The following MECOM variants were observed in gnomAD, a reference collection of about 807,000 sequenced individuals.
The protein encoded by MECOM is MDS1 and EVI1 complex locus.
Under a neutral mutation model 116.3 loss-of-function variants are expected in MECOM, and 13 were observed. The ratio of observed to expected loss-of-function variants is 0.11; its 90% CI spans 0.07 to 0.18. The LOEUF (loss-of-function observed/expected upper bound fraction) is 0.18, where lower values mean the gene tolerates loss of function less well. Among genes scored for constraint, MECOM ranks in the 10% least tolerant of loss-of-function variants. The probability of loss-of-function intolerance (pLI) is 1.00; values close to 1 mark genes in which losing one functional copy is unlikely to be tolerated. For synonymous variants in MECOM, 528 were observed against 535.2 expected (o/e 0.99, Z 0.19); for missense variants, 1,299 against 1,509.0 (o/e 0.86, Z 2.31).
chr3:169,619,268 G>T (rs56228561), intron 1 of MECOM, among the ~76,000 whole-genome samples: 9,487 of 152,262 alleles, frequency 0.062, 379 homozygotes, highest in Non-Finnish European at 0.072. Context: ...GTGCTGAGAA[G>T]GCCGAGGAGA....
intron 9 of MECOM, among the ~76,000 whole-genome samples, 197 bp from the exon 10 acceptor site, chr3:169,108,149 T>C (rs1354210328): frequency 1.3e-5 from 2 of 152,192 alleles, no homozygotes; most frequent in African/African-American, 4.8e-5. Context: ...TTTACCTAAA[T>C]GGAATGTTTG....
intron 2 of MECOM, among the ~76,000 whole-genome samples, chr3:169,191,169 C>T (rs1277160452): frequency 1.3e-5 from 2 of 151,954 alleles, no homozygotes; most frequent in Non-Finnish European, 2.9e-5. Context: ...CCCCTCTCTC[C>T]ACTTGTCCCC....
rs1762015661 is a variant in MECOM at position 169,556,249 on chromosome 3, CT to C, written c.37+107086del. 5.3e-5 allele frequency among the ~76,000 whole-genome samples: 8 copies of C among 151,826 alleles called. No individual in the cohort carries two copies. In the South Asian group the frequency reaches 1.7e-3, roughly 32 times the overall value. ...ACAGAACTGAAGCCAGCACCTTAAT[CT>C]CATGTAATTCCACTGAATGACTTTA... On this transcript the variant is annotated intron_variant, in intron 1 of 16. Transcript: ENST00000651503.
intron 1 of MECOM, among the ~76,000 whole-genome samples, chr3:169,480,236 A>G (rs7652987): frequency 0.45 from 69,152 of 152,046 alleles, 16,093 homozygotes; most frequent in South Asian, 0.56. Context: ...TTTATCACAT[A>G]TACTGTCCCA....
chr3:169,257,423 A>G (rs1026349792), intron 2 of MECOM, among the ~76,000 whole-genome samples: 1 of 152,220 alleles, frequency 6.6e-6, no homozygotes, highest in African/African-American at 2.4e-5. Flanking sequence ...TTCTGGCATT[A>G]AAACTTAAAT....
At chr3:169,589,329 G>A (rs1766130356) in intron 1 of MECOM, among the ~76,000 whole-genome samples, 1 of 151,928 alleles carries the variant, frequency 6.6e-6, no homozygotes, top group Non-Finnish European at 1.5e-5. Flanking sequence ...AAGGGTGAAT[G>A]ACACCACTAT....
At position 169,510,186 on chromosome 3, in the gene MECOM, A is replaced by G. The variant is rs553227341; in HGVS notation, c.38-128662T>C. 3.9e-5 allele frequency among the ~76,000 whole-genome samples: 6 copies of G among 152,292 alleles called. No homozygotes were observed. The East Asian group carries it at 1.2e-3, about 29-fold the overall frequency. On this transcript the variant is annotated intron_variant, in intron 1 of 16. Transcript: ENST00000651503. The stretch of plus-strand genomic sequence containing the variant: ...AGATCAGGAGGGCTGGGATCACTGT[A>G]ATCGATTCTCATCACTGTAAACTCC...
chr3:169,650,907 A>G (rs1774818682), intron 1 of MECOM, among the ~76,000 whole-genome samples: 1 of 152,150 alleles, frequency 6.6e-6, no homozygotes, highest in East Asian at 1.9e-4. Flanking sequence ...ACAATAGAGG[A>G]TCTTCTGCCT....
intron 1 of MECOM, among the ~76,000 whole-genome samples, chr3:169,459,401 C>T (rs1266680839): frequency 6.6e-6 from 1 of 152,132 alleles, no homozygotes; most frequent in African/African-American, 2.4e-5. Flanking sequence ...AATAGTAAAA[C>T]TTCACTGGTT....
chr3:169,342,967 C>A (rs1724788864), intron 2 of MECOM, among the ~76,000 whole-genome samples: 1 of 152,110 alleles, frequency 6.6e-6, no homozygotes, highest in Non-Finnish European at 1.5e-5. Context: ...TCACTCACAA[C>A]TTGCAAAGAT....
At chr3:169,134,540 G>T (rs1396049581) in intron 3 of MECOM, among the ~76,000 whole-genome samples, 1 of 152,148 alleles carries the variant, frequency 6.6e-6, no homozygotes, top group East Asian at 1.9e-4. Flanking sequence ...ATATAATGAG[G>T]GCAGATTCTG....
chr3:169,215,396 C>T (rs1052147261), intron 2 of MECOM, among the ~76,000 whole-genome samples: 3 of 152,058 alleles, frequency 2.0e-5, no homozygotes, highest in African/African-American at 7.2e-5. Context: ...TTCTGAAATC[C>T]TCCATTTCTT....
In MECOM at chr3:169,317,958, G is replaced by A. The variant is rs188657112; in HGVS notation, c.375+63229C>T. ...CCAATGGAACAGAACAGGGGCCTCAGAAATAACGCCACACAGCTACAACCA... is the reference window on the plus strand; with the variant it reads ...CCAATGGAACAGAACAGGGGCCTCAAAAATAACGCCACACAGCTACAACCA... On this transcript the variant is annotated intron_variant, in intron 2 of 16. Coordinates refer to ENST00000651503, the MANE Select transcript of MECOM (RefSeq NM_004991.4). Among the ~76,000 whole-genome samples, 7 of 152,238 alleles carry A rather than the reference G, an allele frequency of 4.6e-5. No individual in the cohort carries two copies. In the East Asian group the frequency reaches 1.4e-3, roughly 30 times the overall value.
Position 169,122,657 on chromosome 3 carries a change from T to C in MECOM, c.901A>G (p.Asn301Asp). 6.2e-7 allele frequency: 1 copy of C among 1,614,118 alleles called. No homozygotes were observed. The stretch of plus-strand genomic sequence containing the variant: ...TGGCGAATTAAATTGGACTTCCAGT[T>C]AAATGCCTTGGGACACTGATCACAC... ...YKCDQCPKAFNWKSNLIRHQM... is the reference protein window; with the variant it reads ...YKCDQCPKAFDWKSNLIRHQM... The change falls in exon 6 of 17, where the codon AAC becomes GAC. Residue 301 changes from asparagine to aspartate, a missense_variant. Physicochemically the swap from Asn to Asp is conservative, Grantham distance 23. Coordinates refer to ENST00000651503, the MANE Select transcript of MECOM (RefSeq NM_004991.4).
intron 1 of MECOM, among the ~76,000 whole-genome samples, chr3:169,406,696 A>T (rs529785203): frequency 6.6e-6 from 1 of 152,268 alleles, no homozygotes; most frequent in East Asian, 1.9e-4. Flanking sequence ...CTGCATAAAT[A>T]GGTAACAGTC....
intron 1 of MECOM, among the ~76,000 whole-genome samples, chr3:169,561,563 T>C (rs905537805): frequency 6.6e-5 from 10 of 152,184 alleles, no homozygotes; most frequent in African/African-American, 1.7e-4. Flanking sequence ...ACATATGTTA[T>C]AGCAGTAGTG....
chr3:169,640,748 A>G (rs1303122638), intron 1 of MECOM, among the ~76,000 whole-genome samples: 1 of 152,220 alleles, frequency 6.6e-6, no homozygotes, highest in Non-Finnish European at 1.5e-5. Flanking sequence ...CAGAGCTACG[A>G]AGTAGTAGAC....
At chr3:169,495,153 C>T (rs952509774) in intron 1 of MECOM, among the ~76,000 whole-genome samples, 4 of 152,114 alleles carry the variant, frequency 2.6e-5, no homozygotes, top group Non-Finnish European at 2.9e-5. Flanking sequence ...TTTTCCAACC[C>T]GTTAATCATT....
At chr3:169,459,568 A>T (rs1747075447) in intron 1 of MECOM, among the ~76,000 whole-genome samples, 1 of 152,250 alleles carries the variant, frequency 6.6e-6, no homozygotes. Flanking sequence ...AATGCAGGAC[A>T]ATTTGCTCAG....
Sources: allele counts gnomAD v4.1 joint callset (sites outside exome capture counted in the v4.1 genomes callset), GRCh38; gene constraint gnomAD v4.1.1; transcripts MANE v1.5; gene names NCBI Gene and HGNC (gene_info 2026-07-23, HGNC 2026-07-21).